Variants in XYLT1 observed in about 807,000 individuals in gnomAD.
The protein encoded by XYLT1 is xylosyltransferase 1.
XYLT1 carries 36 observed loss-of-function variants against 91.3 expected under a neutral mutation model. The observed-to-expected ratio is 0.39, with a 90% CI of 0.30 to 0.52. XYLT1 has a LOEUF of 0.52. XYLT1 is among the 20% of genes least tolerant of loss of function. The pLI is 0.68. For synonymous variants in XYLT1, 588 were observed against 532.0 expected, an observed-to-expected ratio of 1.11 and a Z score of -1.45; for missense variants, 1,242 against 1,284.5, an observed-to-expected ratio of 0.97 and a Z score of 0.51.
At chr16:17,281,489 A>G (rs2034057857) in intron 2 of XYLT1, among the ~76,000 whole-genome samples, 1 of 152,010 alleles carries the variant, frequency 6.6e-6, no homozygotes, top group Admixed American at 6.5e-5. Flanking sequence ...ACATTTAAAC[A>G]TAAACATTTA....
intron 3 of XYLT1, among the ~76,000 whole-genome samples, chr16:17,219,705 G>A (rs549879522): frequency 6.6e-6 from 1 of 152,132 alleles, no homozygotes; most frequent in South Asian, 2.1e-4. Context: ...GCAGTGGTGC[G>A]ATCTTGGCTC....
chr16:17,336,276 T>A (rs1338297894), intron 2 of XYLT1, among the ~76,000 whole-genome samples: 1 of 152,212 alleles, frequency 6.6e-6, no homozygotes, highest in Non-Finnish European at 1.5e-5. Context: ...TAACTCCTAG[T>A]TAACAAGAAA....
chr16:17,316,578 G>A (rs926081476), intron 2 of XYLT1, among the ~76,000 whole-genome samples: 2 of 151,712 alleles, frequency 1.3e-5, no homozygotes, highest in Non-Finnish European at 2.9e-5. Flanking sequence ...GTTAACTTTT[G>A]TAGAGACAAG....
At chr16:17,206,314 T>C (rs1451282321) in intron 3 of XYLT1, among the ~76,000 whole-genome samples, 1 of 151,798 alleles carries the variant, frequency 6.6e-6, no homozygotes, top group Admixed American at 6.6e-5. Context: ...TTTATCCTAG[T>C]GGGAAATTTT....
At position 17,357,226 on chromosome 16, in the gene XYLT1, G is replaced by A. The variant is rs532610566; in HGVS notation, c.402+786C>T. Reference sequence around the variant, plus strand: ...GCTACCACTCACAAGCACTTAGCACGTACCCCGGACTTTATAAACATCATT... The same window carrying A: ...GCTACCACTCACAAGCACTTAGCACATACCCCGGACTTTATAAACATCATT... On this transcript the variant is annotated intron_variant, in intron 2 of 11. Coordinates refer to ENST00000261381, the MANE Select transcript of XYLT1 (RefSeq NM_022166.4). 3.6e-5 allele frequency among the ~76,000 whole-genome samples: 5 copies of A among 139,896 alleles called. No homozygotes were observed. The East Asian group carries it at 1.0e-3, about 29-fold the overall frequency. 91.8% of individuals were successfully genotyped at this position (139,896 alleles called of 152,430 possible).
At chr16:17,233,991 A>C (rs1034315931) in intron 3 of XYLT1, among the ~76,000 whole-genome samples, 1 of 152,150 alleles carries the variant, frequency 6.6e-6, no homozygotes, top group Non-Finnish European at 1.5e-5. Flanking sequence ...GCTCTCCCTA[A>C]GTCCTAGTTT....
chr16:17,452,660 T>C (rs1339909783), intron 1 of XYLT1, among the ~76,000 whole-genome samples: 1 of 152,224 alleles, frequency 6.6e-6, no homozygotes, highest in Non-Finnish European at 1.5e-5. Context: ...TAGAAGAGTT[T>C]CGATTGTTTA....
chr16:17,305,200 G>C (rs1170116486), intron 2 of XYLT1, among the ~76,000 whole-genome samples: 4 of 152,096 alleles, frequency 2.6e-5, no homozygotes, highest in Non-Finnish European at 5.9e-5. Flanking sequence ...TGACCACCCA[G>C]GACAGGATGG....
intron 3 of XYLT1, among the ~76,000 whole-genome samples, chr16:17,225,976 A>T (rs559719527): frequency 1.2e-4 from 18 of 151,874 alleles, no homozygotes; most frequent in African/African-American, 2.2e-4. Context: ...AAAAAATTAT[A>T]AAAAAAAATC....
At chr16:17,365,834 G>A (rs1041995393) in intron 1 of XYLT1, among the ~76,000 whole-genome samples, 1 of 152,140 alleles carries the variant, frequency 6.6e-6, no homozygotes, top group African/African-American at 2.4e-5. Flanking sequence ...CTTGGTATGT[G>A]TATCCTTGAG....
intron 4 of XYLT1, 38 bp downstream of exon 4, chr16:17,200,444 A>C (rs114500236): frequency 6.3e-7 from 1 of 1,594,720 alleles, no homozygotes; most frequent in East Asian, 2.3e-5. Flanking sequence ...CAGACCCCGA[A>C]GAAAGCCCAG....
chr16:17,301,932 C>T (rs1332714260), intron 2 of XYLT1, among the ~76,000 whole-genome samples: 1 of 152,138 alleles, frequency 6.6e-6, no homozygotes, highest in Non-Finnish European at 1.5e-5. Flanking sequence ...CATGTCAGGG[C>T]TCGGCACAGT....
chr16:17,133,791 T>C (rs1245396927), intron 9 of XYLT1, among the ~76,000 whole-genome samples: 2 of 152,230 alleles, frequency 1.3e-5, no homozygotes, highest in Non-Finnish European at 1.5e-5. Flanking sequence ...AGAACACTCT[T>C]TCCTGAAGTG....
intron 1 of XYLT1, among the ~76,000 whole-genome samples, chr16:17,371,951 T>C (rs2035539505): frequency 6.6e-6 from 1 of 152,170 alleles, no homozygotes; most frequent in Non-Finnish European, 1.5e-5. Flanking sequence ...CCAAAAAAAG[T>C]TGCTATGGGA....
chr16:17,439,652 C>T (rs2036507696), intron 1 of XYLT1, among the ~76,000 whole-genome samples: 1 of 152,156 alleles, frequency 6.6e-6, no homozygotes, highest in Non-Finnish European at 1.5e-5. Context: ...CTAGAAAACA[C>T]TGTAGTAGTA....
chr16:17,360,982 G>A (rs780932204), intron 1 of XYLT1, among the ~76,000 whole-genome samples: 6 of 152,148 alleles, frequency 3.9e-5, no homozygotes, highest in Non-Finnish European at 4.4e-5. Context: ...CTCAGTTGGG[G>A]AAGTCAAATG....
At chr16:17,214,287 A>G (rs2032815374) in intron 3 of XYLT1, among the ~76,000 whole-genome samples, 2 of 152,210 alleles carry the variant, frequency 1.3e-5, no homozygotes, top group South Asian at 2.1e-4. Context: ...CATTCAAACC[A>G]TGGCTCTTCC....
Position 17,103,624 on chromosome 16 carries a change from G to C in XYLT1, c.*5071C>G, listed in dbSNP as rs1450207357. The C allele has an allele frequency of 6.6e-6, 1 of 152,148 alleles. No individual in the cohort carries two copies. The allele number at this position is 152,148 out of a possible 1,614,324, so 9.4% of individuals were successfully genotyped here. On this transcript the variant is annotated 3_prime_UTR_variant, in exon 12 of 12. Coordinates refer to ENST00000261381, the MANE Select transcript of XYLT1 (RefSeq NM_022166.4). ...TTTTGTTTTGTTTTGTTTTGTTTTT[G>C]AAGGAGGGATGGGAGAAGCAAGTTG...
Position 17,102,817 on chromosome 16 carries a change from T to C in XYLT1, c.*5878A>G, listed in dbSNP as rs1966724062. 1.3e-5 allele frequency: 2 copies of C among 152,758 alleles called. No individual in the cohort carries two copies. The highest frequency in any genetic ancestry group is 2.1e-4 in the South Asian group (1 of 4,828). The allele number at this position is 152,758 out of a possible 1,614,324, so 9.5% of individuals were successfully genotyped here. The stretch of plus-strand genomic sequence containing the variant: ...ATATTTCTGTACAGTTTTATGCATA[T>C]TATGATCTATAACAAAATAGTTATT... On this transcript the variant is annotated 3_prime_UTR_variant, in exon 12 of 12. Transcript: ENST00000261381.
Sources: allele counts gnomAD v4.1 joint callset (sites outside exome capture counted in the v4.1 genomes callset), GRCh38; gene constraint gnomAD v4.1.1; transcripts MANE v1.5; gene names NCBI Gene and HGNC (gene_info 2026-07-23, HGNC 2026-07-21).